NLRC5: variants seen among roughly 807,000 people sequenced by gnomAD.
NLRC5 encodes the protein NLR family CARD domain containing 5, also known as protein NLRC5.
A neutral mutation model predicts 206.9 loss-of-function variants in NLRC5; 114 were observed. The ratio of observed to expected loss-of-function variants is 0.55; its 90% confidence interval spans 0.47 to 0.64. NLRC5 has a LOEUF of 0.64. NLRC5 is among the 30% of genes least tolerant of loss of function. The pLI is 0.00. For missense variants in NLRC5, 2,008 were observed against 2,305.5 expected (o/e 0.87, Z 2.64); for synonymous variants, 952 against 962.8 (o/e 0.99, Z 0.21).
chr16:56,990,919 C>T (rs1304204599), intron 1 of NLRC5: 1 of 152,142 alleles, frequency 6.6e-6, no homozygotes, highest in African/African-American at 2.4e-5. Flanking sequence ...TGCCCACCCG[C>T]CTTGTCTCCT....
Position 57,029,022 on chromosome 16 carries a change from G to A in NLRC5, c.2243+637G>A, listed in dbSNP as rs571248561. 1.3e-4 allele frequency among the ~76,000 whole-genome samples: 20 copies of A among 152,262 alleles called. No individual in the cohort carries two copies. The South Asian group carries it at 4.2e-3, about 32-fold the overall frequency. On this transcript the variant is annotated intron_variant, in intron 8 of 48. Coordinates refer to ENST00000688547, the MANE Select transcript of NLRC5 (RefSeq NM_001384950.1). ...ATATGGCACCTTTATGACATTTAGA[G>A]AAGGCACCACTTCATCCACACAGAT...
At chr16:57,006,089 C>T (rs1320390333) in intron 1 of NLRC5, among the ~76,000 whole-genome samples, 1 of 151,252 alleles carries the variant, frequency 6.6e-6, no homozygotes, top group African/African-American at 2.4e-5. Context: ...CCTGGATACC[C>T]CCAGGCTCAA....
At chr16:57,037,709 C>T (rs1479263428) in intron 15 of NLRC5, among the ~76,000 whole-genome samples, 1 of 152,188 alleles carries the variant, frequency 6.6e-6, no homozygotes, top group East Asian at 1.9e-4. Context: ...ATGTGCGCAA[C>T]TGACAAGTGA....
rs1334657888 is a variant in NLRC5 at position 57,026,996 on chromosome 16, T to C, written c.2053T>C (p.Cys685Arg). The change falls in exon 6 of 49, where the codon TGT becomes CGT. Residue 685 changes from cysteine (C) to arginine (R), a missense_variant. Transcript: ENST00000688547. ...CCACTGCCCTGAGGCTCTGGTAGGC[T>C]GTGGGCAGATAGAGAATCTCAGGTG... Reference protein sequence around the residue: ...EPHCPEALVGCGQIENLSFKS... With the variant: ...EPHCPEALVGRGQIENLSFKS... 1 of 1,613,760 alleles carries C rather than the reference T, an allele frequency of 6.2e-7. No homozygotes were observed. The highest frequency in any genetic ancestry group is 8.5e-7 in the Non-Finnish European group (1 of 1,179,842).
rs562722116 is a variant in NLRC5 at position 57,027,071 on chromosome 16, G to A, written c.2075+53G>A. ...AGGGGATTGGGCTTTTGGGGGAGCA[G>A]AGGCCAACCAGTCTAGCAAACCTCT... On this transcript the variant is annotated intron_variant, in intron 6 of 48. Transcript: ENST00000688547. 5.7e-6 allele frequency: 9 copies of A among 1,567,996 alleles called. No individual in the cohort carries two copies. In the Admixed American group the frequency reaches 1.3e-4, roughly 22 times the overall value.
intron 23 of NLRC5, among the ~76,000 whole-genome samples, chr16:57,050,419 A>C (rs1218254527): frequency 1.3e-5 from 2 of 152,194 alleles, no homozygotes; most frequent in Middle Eastern, 3.2e-3. Context: ...AAACAGCCAG[A>C]GGAGAAAGCA....
intron 1 of NLRC5, among the ~76,000 whole-genome samples, chr16:56,999,388 C>T (rs964214122): frequency 3.9e-5 from 6 of 152,210 alleles, no homozygotes; most frequent in African/African-American, 1.4e-4. Context: ...TGCTGATTTG[C>T]CCTACAAGAT....
chr16:57,039,647 G>A (rs768625846), intron 15 of NLRC5, 134 bp from the exon 16 acceptor site: 18 of 749,474 alleles, frequency 2.4e-5, no homozygotes, highest in Non-Finnish European at 3.7e-5. Context: ...AGCCCAGGAG[G>A]TGGAGGCTTC....
intron 36 of NLRC5, 34 bp from the exon 37 acceptor site, chr16:57,069,802 C>T: frequency 3.2e-6 from 5 of 1,574,814 alleles, no homozygotes; most frequent in Non-Finnish European, 4.3e-6. Flanking sequence ...CAGGGCGGCT[C>T]CTGCCTGACC....
chr16:57,078,058 G>C (rs367869551), intron 43 of NLRC5, 38 bp downstream of exon 43: 15 of 1,515,612 alleles, frequency 9.9e-6, no homozygotes, highest in African/African-American at 1.4e-5. Context: ...AGGGCTGGTG[G>C]GGAGGAGGGT....
chr16:57,057,852 T>A (rs1450172744), intron 27 of NLRC5, among the ~76,000 whole-genome samples: 1 of 151,574 alleles, frequency 6.6e-6, no homozygotes. Flanking sequence ...ATAATGAAAG[T>A]GGTGGTGGTG....
intron 43 of NLRC5, among the ~76,000 whole-genome samples, chr16:57,078,831 T>C (rs2068766685): frequency 1.3e-5 from 2 of 152,080 alleles, no homozygotes; most frequent in Admixed American, 6.5e-5. Context: ...AGGAGAGGTG[T>C]GGAGAATTTT....
intron 1 of NLRC5, among the ~76,000 whole-genome samples, chr16:56,996,482 C>A (rs1032140977): frequency 6.6e-6 from 1 of 151,996 alleles, no homozygotes; most frequent in Admixed American, 6.5e-5. Context: ...CTCCATGCCC[C>A]ACCCTTGAGT....
At chr16:57,041,931 A>T (rs1233417018) in intron 18 of NLRC5, 51 bp from the exon 19 acceptor site, 1 of 1,284,864 alleles carries the variant, frequency 7.8e-7, no homozygotes, top group Admixed American at 2.6e-5. Flanking sequence ...TGCTGCCAGC[A>T]ACCCACTCCC....
intron 27 of NLRC5, among the ~76,000 whole-genome samples, chr16:57,055,908 T>C (rs1368369783): frequency 6.6e-6 from 1 of 152,224 alleles, no homozygotes; most frequent in African/African-American, 2.4e-5. Flanking sequence ...TTGCAGTCTC[T>C]TGTATTGTTG....
Position 57,028,344 on chromosome 16 carries a change from G to A in NLRC5, c.2202G>A (p.Leu734=), listed in dbSNP as rs772583137. 34 of 1,614,054 alleles carry A rather than the reference G, an allele frequency of 2.1e-5. No individual in the cohort carries two copies. The highest frequency in any genetic ancestry group is 5.0e-5 in the Admixed American group (3 of 60,004). The change falls in exon 8 of 49, where the codon CTG becomes CTA. Residue 734 remains leucine (L), a synonymous_variant. Coordinates refer to ENST00000688547, the MANE Select transcript of NLRC5 (RefSeq NM_001384950.1). Reference sequence around the variant, plus strand: ...TCACTGCCCGAGGCATCAGCCACCTGGTGAAAGCTTTGCCTCTCTGTCCAC... The same window carrying A: ...TCACTGCCCGAGGCATCAGCCACCTAGTGAAAGCTTTGCCTCTCTGTCCAC... ...SKITARGISH[L]VKALPLCPQL...
At position 57,033,694 on chromosome 16, in the gene NLRC5, T is replaced by A. The variant is rs775076620; in HGVS notation, c.2543+25T>A. 5.6e-6 allele frequency: 9 copies of A among 1,605,508 alleles called. No individual in the cohort carries two copies. In the African/African-American group the frequency reaches 6.7e-5, roughly 12 times the overall value. ...GGTACCTTGGAGGGATCTATTGCCT[T>A]AGGAGAGGGATATGATATGGGGGAA... On this transcript the variant is annotated intron_variant, in intron 12 of 48. Transcript: ENST00000688547.
At chr16:57,030,601 T>G (rs2061756362) in intron 10 of NLRC5, among the ~76,000 whole-genome samples, 2 of 149,670 alleles carry the variant, frequency 1.3e-5, no homozygotes, top group African/African-American at 2.5e-5. Context: ...AAAAGATGGA[T>G]AGGTGTGTGA....
At chr16:57,034,491 G>C in intron 13 of NLRC5, 1 of 495,034 alleles carries the variant, frequency 2.0e-6, no homozygotes, top group Non-Finnish European at 3.6e-6. Flanking sequence ...TGTAAGCACT[G>C]TTACTGTCCT....
Sources: gnomAD v4.1 joint callset for allele counts (sites outside exome capture counted in the v4.1 genomes callset) on GRCh38, gnomAD v4.1.1 for gene constraint, MANE v1.5 for transcripts, NCBI Gene and HGNC (gene_info 2026-07-23, HGNC 2026-07-21) for gene names.